ADPRHL1: variants seen among roughly 807,000 people sequenced by gnomAD.
The protein encoded by ADPRHL1 is inactive ADP-ribosyltransferase ARH2.
A neutral mutation model predicts 44.1 loss-of-function variants in ADPRHL1; 43 were observed. That is an observed-to-expected ratio of 0.98 (90% CI 0.76 to 1.26). The LOEUF is 1.26. Ranked by LOEUF, ADPRHL1 falls within the 50% of genes most tolerant of loss-of-function variation. The pLI is 0.00. For synonymous variants in ADPRHL1, 878 were observed against 1,017.4 expected (o/e 0.86, Z 2.61); for missense variants, 2,022 against 2,496.9 (o/e 0.81, Z 4.05).
At chr13:113,440,562 T>G (rs2044089804) in intron 2 of ADPRHL1, among the ~76,000 whole-genome samples, 1 of 151,844 alleles carries the variant, frequency 6.6e-6, no homozygotes. Flanking sequence ...TTCAAGCAAT[T>G]CTCCTGCCTC....
intron 3 of ADPRHL1, among the ~76,000 whole-genome samples, chr13:113,432,199 C>G (rs1374628344): frequency 6.6e-6 from 1 of 152,174 alleles, no homozygotes; most frequent in Non-Finnish European, 1.5e-5. Flanking sequence ...ACACAGCTCA[C>G]TGCAGCCCCA....
intron 1 of ADPRHL1, among the ~76,000 whole-genome samples, chr13:113,449,824 C>A (rs956861910): frequency 2.6e-5 from 4 of 152,226 alleles, no homozygotes; most frequent in African/African-American, 9.6e-5. Context: ...AGGATACCTG[C>A]AGGCCACCGT....
chr13:113,442,039 C>T (rs2044103074), intron 2 of ADPRHL1, among the ~76,000 whole-genome samples: 1 of 152,270 alleles, frequency 6.6e-6, no homozygotes, highest in Non-Finnish European at 1.5e-5. Context: ...TTCCTTCTGT[C>T]TGAGTGACTT....
chr13:113,444,055 G>A (rs957030547), intron 2 of ADPRHL1, among the ~76,000 whole-genome samples: 11 of 152,254 alleles, frequency 7.2e-5, no homozygotes, highest in Non-Finnish European at 1.2e-4. Flanking sequence ...GACAAAGGAG[G>A]GGCCCCGCCT....
intron 7 of ADPRHL1, among the ~76,000 whole-genome samples, chr13:113,415,186 G>T (rs1302031933): frequency 1.3e-5 from 2 of 152,190 alleles, no homozygotes; most frequent in Non-Finnish European, 2.9e-5. Flanking sequence ...GGGCTCCTGG[G>T]GTTCTTGCTG....
At chr13:113,435,066 GTGTAGAGTGAA>G (rs2139635662) in intron 2 of ADPRHL1, among the ~76,000 whole-genome samples, 1 of 139,428 alleles carries the variant, frequency 7.2e-6, no homozygotes, top group African/African-American at 2.8e-5. Flanking sequence ...CGGCACCCAG[GTGTAGAGTGAA>G]CATAGGTGTA....
intron 2 of ADPRHL1, among the ~76,000 whole-genome samples, chr13:113,438,414 T>C (rs1323793496): frequency 6.6e-6 from 1 of 152,084 alleles, no homozygotes; most frequent in Non-Finnish European, 1.5e-5. Flanking sequence ...AATTTTATAG[T>C]TGGGCATGGT....
intron 7 of ADPRHL1, among the ~76,000 whole-genome samples, chr13:113,421,142 A>T (rs1595542579): frequency 9.9e-6 from 1 of 100,504 alleles, no homozygotes; most frequent in Non-Finnish European, 1.9e-5. Context: ...CCCCCGGGAC[A>T]CGCACATCCC....
Position 113,412,893 on chromosome 13 carries a change from G to A in ADPRHL1, c.1062-4673C>T, listed in dbSNP as rs2043865704. 7.8e-5 allele frequency among the ~76,000 whole-genome samples: 3 copies of A among 38,550 alleles called. No individual in the cohort carries two copies. In the East Asian group the frequency reaches 1.2e-3, roughly 15 times the overall value. 25.3% of individuals were successfully genotyped at this position (38,550 alleles called of 152,430 possible). On this transcript the variant is annotated intron_variant, in intron 7 of 7. Transcript: ENST00000612156. Reference sequence around the variant, plus strand: ...CCGCCAACAGCGCCCCGCAGAGCTCGGTTCACCCACCGCCAACAGCACCCC... The same window carrying A: ...CCGCCAACAGCGCCCCGCAGAGCTCAGTTCACCCACCGCCAACAGCACCCC...
At chr13:113,447,029 T>TCTACATGCACGGTGTTGTGTGTGC (rs2044144812) in intron 1 of ADPRHL1, among the ~76,000 whole-genome samples, 4 of 68,304 alleles carry the variant, frequency 5.9e-5, no homozygotes, top group Admixed American at 3.5e-4. Flanking sequence ...GTTGTGTGTG[T>TCTACATGCACGGTGTTGTGTGTGC]ATGGTGTCTA....
At chr13:113,422,552 G>T in intron 7 of ADPRHL1, 1 of 469,450 alleles carries the variant, frequency 2.1e-6, no homozygotes, top group Non-Finnish European at 3.9e-6. Context: ...AGGAGACTGC[G>T]GGTGAGTGCC....
rs536753267 is a variant in ADPRHL1, at chr13:113,406,387, T to C, written c.2895A>G (p.Ser965=). The C allele has an allele frequency of 3.2e-6, 4 of 1,232,108 alleles. No individual in the cohort carries two copies. In the South Asian group the frequency reaches 1.6e-4, roughly 51 times the overall value. The allele number at this position is 1,232,108 out of a possible 1,614,324, so 76.3% of individuals were successfully genotyped here. A position where few individuals can be genotyped will look rare whatever the true frequency, so the allele number is the denominator to read the frequency against. ...TATCGTCAGGATTCCTGGGACCGTG[T>C]GAATTCTCAAAGCTGCCTTTGTTTT... ...GKENKGSFEN[S]HGPRNPDDIS... Residue 965 remains serine, a synonymous_variant, in exon 8 of 8, where the codon TCA becomes TCG. Coordinates refer to ENST00000612156, the MANE Select transcript of ADPRHL1 (RefSeq NM_001394807.1).
chr13:113,436,092 T>C (rs2044052808), intron 2 of ADPRHL1, among the ~76,000 whole-genome samples: 1 of 132,450 alleles, frequency 7.6e-6, no homozygotes, highest in Non-Finnish European at 1.7e-5. Context: ...TGAACATAGG[T>C]GTACCCCGGG....
chr13:113,453,425 T>A lies in ADPRHL1; in HGVS notation c.13A>T (p.Lys5Ter). The part of the protein sequence containing the change: MEKF[K>*]AAMLLGSVGD... ...ACGCTCCCCAGCAACATCGCAGCCT[T>A]AAATTTCTCCATCCCAGGAGGCAGC... The change falls in exon 1 of 8, where the codon AAG (lysine) becomes TAG (stop). Residue 5 changes from lysine to a stop codon, truncating the protein, a stop_gained. Transcript: ENST00000612156. LOFTEE classifies it high-confidence loss of function. This position sits in a 1 kb window ranked among gnomAD's most constrained non-coding sequence, Gnocchi z 5.4. The A allele has an allele frequency of 6.2e-7, 1 of 1,614,120 alleles. No individual in the cohort carries two copies. The highest frequency in any genetic ancestry group is 2.2e-5 in the East Asian group (1 of 44,886).
rs2043805329 is a variant in ADPRHL1 at position 113,405,966 on chromosome 13, G to C, written c.3316C>G (p.Pro1106Ala). 2.4e-6 allele frequency: 3 copies of C among 1,232,086 alleles called. No homozygotes were observed. The East Asian group carries it at 9.5e-5, about 39-fold the overall frequency. 76.3% of individuals were successfully genotyped at this position (1,232,086 alleles called of 1,614,324 possible). ...ATCGCCCCACAGGCTTTCATACCTG[G>C]TTTGGGTGGTTCATTTAATGAGGAC... The part of the protein sequence containing the change: ...PLSSLNEPPK[P>A]GMKACGAMAA... The change falls in exon 8 of 8, where the codon CCA becomes GCA. Residue 1106 changes from proline (P) to alanine (A), a missense_variant. Physicochemically the swap from Pro to Ala is conservative, Grantham distance 27. Around this residue, in one of 8 missense-constraint regions of ADPRHL1, gnomAD observed 1,221 missense variants for 1,517.8 expected, o/e 0.80. Coordinates refer to ENST00000612156, the MANE Select transcript of ADPRHL1 (RefSeq NM_001394807.1).
rs1445251025 is a variant in ADPRHL1 at position 113,405,944 on chromosome 13, G to A, written c.3338C>T (p.Ala1113Val). The change falls in exon 8 of 8, where the codon GCG becomes GTG. Residue 1113 changes from alanine (A) to valine (V), a missense_variant. Ala to Val is a moderately conservative substitution (Grantham distance 64). This residue lies in a region of ADPRHL1 where 1,221 missense variants were observed against 1,517.8 expected (regional missense o/e 0.80). Coordinates refer to ENST00000612156, the MANE Select transcript of ADPRHL1 (RefSeq NM_001394807.1). ...PPKPGMKACG[A>V]MAAAGSVASR... ...CGCAACGCTCCCTGCAGCTGCCATC[G>A]CCCCACAGGCTTTCATACCTGGTTT... 6.5e-6 allele frequency: 8 copies of A among 1,231,938 alleles called. No individual in the cohort carries two copies. Among genetic ancestry groups the A allele is most frequent in the African/African-American group, 4.7e-5 (3 of 64,446 alleles). 76.3% of individuals were successfully genotyped at this position (1,231,938 alleles called of 1,614,324 possible). A position where few individuals can be genotyped will look rare whatever the true frequency, so the allele number is the denominator to read the frequency against.
chr13:113,414,082 C>T (rs1395838015), intron 7 of ADPRHL1, among the ~76,000 whole-genome samples: 3 of 152,228 alleles, frequency 2.0e-5, no homozygotes, highest in African/African-American at 7.2e-5. Flanking sequence ...TGGGCTCACC[C>T]GAGCCTGGCC....
Position 113,401,125 on chromosome 13 carries a change from G to C in ADPRHL1, c.*2253C>G, listed in dbSNP as rs1234786449. 1 of 152,138 alleles carries C rather than the reference G, an allele frequency of 6.6e-6. No individual in the cohort carries two copies. The highest frequency in any genetic ancestry group is 1.5e-5 in the Non-Finnish European group (1 of 68,048). 9.4% of individuals were successfully genotyped at this position (152,138 alleles called of 1,614,324 possible). A position where few individuals can be genotyped will look rare whatever the true frequency, so the allele number is the denominator to read the frequency against. On this transcript the variant is annotated 3_prime_UTR_variant, in exon 8 of 8. Transcript: ENST00000612156. This position sits in a 1 kb window ranked among gnomAD's most constrained non-coding sequence, Gnocchi z 5.5. ...TGCCGCTGTGCCTGGAGTGGCAGGGGCAGCCACACAGACCTGGGGGTCCCT... is the reference window on the plus strand; with the variant it reads ...TGCCGCTGTGCCTGGAGTGGCAGGGCCAGCCACACAGACCTGGGGGTCCCT...
chr13:113,451,216 C>A (rs987490365), intron 1 of ADPRHL1, among the ~76,000 whole-genome samples: 4 of 152,190 alleles, frequency 2.6e-5, no homozygotes, highest in East Asian at 1.9e-4. Flanking sequence ...CGAGGATTAT[C>A]ATAATATTGG....
Sources: gnomAD v4.1 joint callset for allele counts (sites outside exome capture counted in the v4.1 genomes callset) on GRCh38, gnomAD v4.1.1 for gene constraint, gnomAD v4.1.1 regional missense constraint, Gnocchi (gnomAD v3.1) non-coding constraint, MANE v1.5 for transcripts, NCBI Gene and HGNC (gene_info 2026-07-23, HGNC 2026-07-21) for gene names.